COL14A1: variants seen among roughly 807,000 people sequenced by gnomAD.
COL14A1 encodes collagen alpha-1(XIV) chain.
COL14A1 carries 136 observed loss-of-function variants against 230.3 expected under a neutral mutation model. The observed-to-expected ratio is 0.59, with a 90% CI of 0.51 to 0.68. The LOEUF (loss-of-function observed/expected upper bound fraction) is 0.68, where lower values mean the gene tolerates loss of function less well. Among genes scored for constraint, COL14A1 ranks in the 30% least tolerant of loss-of-function variants. The probability of loss-of-function intolerance (pLI) is 0.00; values close to 1 mark genes in which losing one functional copy is unlikely to be tolerated. For synonymous variants in COL14A1, 792 were observed against 784.1 expected, an observed-to-expected ratio of 1.01 and a Z score of -0.17; for missense variants, 1,976 against 2,215.8, an observed-to-expected ratio of 0.89 and a Z score of 2.17.
intron 5 of COL14A1, among the ~76,000 whole-genome samples, chr8:120,181,956 C>A (rs922619553): frequency 2.6e-5 from 4 of 151,980 alleles, no homozygotes. Flanking sequence ...CTCCCCGTCA[C>A]CCCCCTCCCC....
chr8:120,146,817 A>G lies in COL14A1; in HGVS notation c.-37-989A>G, dbSNP rs185081389. Among the ~76,000 whole-genome samples the G allele has an allele frequency of 1.3e-3, 201 of 152,254 alleles. 1 individual carries two copies. Among genetic ancestry groups the G allele is most frequent in the African/African-American group, 4.6e-3 (193 of 41,566 alleles). The stretch of plus-strand genomic sequence containing the variant: ...ATAATACTGGGAAATGAATAAACGA[A>G]TATATAAATGAAAAAATGAATTAAA... On this transcript the variant is annotated intron_variant, in intron 1 of 47. Transcript: ENST00000297848.
intron 26 of COL14A1, among the ~76,000 whole-genome samples, chr8:120,277,327 C>G (rs1157599014): frequency 6.6e-6 from 1 of 152,106 alleles, no homozygotes; most frequent in African/African-American, 2.4e-5. Context: ...TGTAAAGAGT[C>G]TAACTCTGAT....
At chr8:120,143,093 A>G (rs1006317452) in intron 1 of COL14A1, among the ~76,000 whole-genome samples, 10 of 152,202 alleles carry the variant, frequency 6.6e-5, no homozygotes, top group African/African-American at 2.4e-4. Context: ...GAATGATTGT[A>G]GGAGTTATAG....
chr8:120,147,041 CCTTTCCCTTT>C (rs1292107788), intron 1 of COL14A1, among the ~76,000 whole-genome samples: 5 of 151,692 alleles, frequency 3.3e-5, no homozygotes, highest in African/African-American at 1.2e-4. Flanking sequence ...CTCCTTCTTT[CCTTTCCCTTT>C]CTTTCCCTTC....
chr8:120,359,926 T>C (rs1823131123), intron 45 of COL14A1, among the ~76,000 whole-genome samples: 2 of 152,162 alleles, frequency 1.3e-5, no homozygotes, highest in Non-Finnish European at 2.9e-5. Flanking sequence ...ACTTCTCCTC[T>C]TTCCTTCCTA....
At chr8:120,256,717 C>A (rs1375140119) in intron 23 of COL14A1, among the ~76,000 whole-genome samples, 1 of 152,142 alleles carries the variant, frequency 6.6e-6, no homozygotes, top group East Asian at 1.9e-4. Flanking sequence ...ACTATGAAAT[C>A]TTGAGTTATG....
chr8:120,257,714 G>A (rs1819202143), intron 23 of COL14A1, among the ~76,000 whole-genome samples: 1 of 152,096 alleles, frequency 6.6e-6, no homozygotes. Context: ...AGAAATTTCA[G>A]TCTTTCCACT....
chr8:120,185,434 C>T (rs1311088400), intron 5 of COL14A1, among the ~76,000 whole-genome samples: 1 of 152,116 alleles, frequency 6.6e-6, no homozygotes. Flanking sequence ...GTTGCAGGAT[C>T]GCTTGAGCCC....
chr8:120,213,882 T>C (rs1026032704), intron 13 of COL14A1: 2 of 385,770 alleles, frequency 5.2e-6, no homozygotes, highest in African/African-American at 4.4e-5. Context: ...GAGCCAAATG[T>C]GCACACTACT....
chr8:120,322,040 C>T (rs1271198314), intron 40 of COL14A1, among the ~76,000 whole-genome samples: 1 of 151,910 alleles, frequency 6.6e-6, no homozygotes, highest in Non-Finnish European at 1.5e-5. Flanking sequence ...CTGAAGTCAT[C>T]ACTGCAGGTT....
intron 17 of COL14A1, among the ~76,000 whole-genome samples, chr8:120,228,303 T>C (rs941854634): frequency 2.0e-5 from 3 of 152,192 alleles, no homozygotes; most frequent in African/African-American, 7.2e-5. Context: ...AAATAGAAGA[T>C]GCATTGCTTG....
Position 120,285,463 on chromosome 8 carries a change from C to CAAA in COL14A1, c.3968-376_3968-374dup, listed in dbSNP as rs1218052645. On this transcript the variant is annotated intron_variant, in intron 32 of 47. Coordinates refer to ENST00000297848, the MANE Select transcript of COL14A1 (RefSeq NM_021110.4). ...TGGGTGACAGAGCGAGACTCCATCT[C>CAAA]AAAAAAAAAAAAAAAAAAAAAAAAG... 3.5e-4 allele frequency among the ~76,000 whole-genome samples: 23 copies of CAAA among 64,956 alleles called. 1 individual carries two copies. The highest frequency in any genetic ancestry group is 1.1e-3 in the African/African-American group (17 of 16,080). 42.6% of individuals were successfully genotyped at this position (64,956 alleles called of 152,430 possible).
chr8:120,137,147 A>C (rs976982401), intron 1 of COL14A1, among the ~76,000 whole-genome samples: 1 of 151,994 alleles, frequency 6.6e-6, no homozygotes, highest in Non-Finnish European at 1.5e-5. Flanking sequence ...TCTTTAATAG[A>C]TATAGGGCTA....
At chr8:120,319,653 A>C (rs1343530078) in intron 40 of COL14A1, among the ~76,000 whole-genome samples, 2 of 152,194 alleles carry the variant, frequency 1.3e-5, no homozygotes, top group African/African-American at 4.8e-5. Context: ...GAGAAGATGA[A>C]ACATCTTTTC....
intron 14 of COL14A1, among the ~76,000 whole-genome samples, chr8:120,218,711 C>T (rs7387373): frequency 0.56 from 85,671 of 151,996 alleles, 25,290 homozygotes; most frequent in African/African-American, 0.74. Flanking sequence ...TAAGTGACAA[C>T]GGACAGTGAG....
intron 8 of COL14A1, among the ~76,000 whole-genome samples, chr8:120,201,261 G>C (rs937748667): frequency 2.0e-5 from 3 of 152,046 alleles, no homozygotes; most frequent in African/African-American, 7.2e-5. Context: ...TGGTAAATTA[G>C]AACCTTGTTA....
chr8:120,264,248 A>G (rs1165316778), intron 24 of COL14A1, among the ~76,000 whole-genome samples: 5 of 152,200 alleles, frequency 3.3e-5, no homozygotes, highest in African/African-American at 7.2e-5. Flanking sequence ...TTCACTTAGC[A>G]TATGTTTTTG....
chr8:120,182,260 T>C (rs531027957), intron 5 of COL14A1, among the ~76,000 whole-genome samples: 27 of 152,312 alleles, frequency 1.8e-4, no homozygotes, highest in Admixed American at 6.5e-4. Flanking sequence ...AGGACTGATA[T>C]TGATTTTGGC....
At chr8:120,245,380 G>C (rs1399016001) in intron 20 of COL14A1, among the ~76,000 whole-genome samples, 2 of 152,140 alleles carry the variant, frequency 1.3e-5, no homozygotes, top group African/African-American at 4.8e-5. Flanking sequence ...ATAGTGCTGG[G>C]TGGCACAGAG....
Sources: gnomAD v4.1 joint callset for allele counts (sites outside exome capture counted in the v4.1 genomes callset) on GRCh38, gnomAD v4.1.1 for gene constraint, MANE v1.5 for transcripts, NCBI Gene and HGNC (gene_info 2026-07-23, HGNC 2026-07-21) for gene names.